AGK: variants seen among roughly 807,000 people sequenced by gnomAD.
AGK encodes acylglycerol kinase.
In AGK, 52 loss-of-function variants were observed where a neutral mutation model predicts 66.4. That is an observed-to-expected ratio of 0.78 (90% CI 0.63 to 0.99). AGK has a LOEUF of 0.99. AGK is among the 50% of genes least tolerant of loss of function. The probability of loss-of-function intolerance (pLI) is 0.00; values close to 1 mark genes in which losing one functional copy is unlikely to be tolerated. For missense variants in AGK, 451 were observed against 506.6 expected, an observed-to-expected ratio of 0.89 and a Z score of 1.05; for synonymous variants, 182 against 181.1, an observed-to-expected ratio of 1.00 and a Z score of -0.04.
intron 2 of AGK, among the ~76,000 whole-genome samples, chr7:141,563,080 G>A (rs1795386369): frequency 1.3e-5 from 2 of 152,114 alleles, no homozygotes; most frequent in South Asian, 2.1e-4. Context: ...ACGGTTTTTC[G>A]TCTGTCTTGC....
At chr7:141,632,281 C>A (rs1797075428) in intron 9 of AGK, among the ~76,000 whole-genome samples, 1 of 151,860 alleles carries the variant, frequency 6.6e-6, no homozygotes, top group Admixed American at 6.6e-5. Context: ...TCCTCCTTAC[C>A]CTCAATGTCT....
chr7:141,604,374 G>GTATATATATATATATA lies in AGK; in HGVS notation c.297+3109_297+3124dup, dbSNP rs368893843. 5.2e-3 allele frequency among the ~76,000 whole-genome samples: 586 copies of GTATATATATATATATA among 113,712 alleles called. 7 individuals carry two copies. The highest frequency in any genetic ancestry group is 9.8e-3 in the Middle Eastern group (2 of 204). 74.6% of individuals were successfully genotyped at this position (113,712 alleles called of 152,430 possible). A position where few individuals can be genotyped will look rare whatever the true frequency, so the allele number is the denominator to read the frequency against. Reference sequence around the variant, plus strand: ...CATATGTATGAATGTGTGTGTGTGTGTATATATATATATATATATATATAT... The same window carrying GTATATATATATATATA: ...CATATGTATGAATGTGTGTGTGTGTGTATATATATATATATATATATATATATATATATATATATAT... On this transcript the variant is annotated intron_variant, in intron 5 of 15. Coordinates refer to ENST00000649286, the MANE Select transcript of AGK (RefSeq NM_018238.4).
chr7:141,652,816 T>C lies in AGK; in HGVS notation c.1161T>C (p.Ser387=). 6.2e-7 allele frequency: 1 copy of C among 1,613,648 alleles called. No homozygotes were observed. Among genetic ancestry groups the C allele is most frequent in the South Asian group, 1.1e-5 (1 of 91,042 alleles). The change falls in exon 16 of 16, where the codon AGT becomes AGC. Residue 387 remains serine (S), a synonymous_variant. Coordinates refer to ENST00000649286, the MANE Select transcript of AGK (RefSeq NM_018238.4). ...CAGGGGGCTCTTTTAGCATTGACAG[T>C]GAGGAGTATGAAGCGATGCCTGTGG... is the stretch of plus-strand genomic sequence containing the variant. The part of the protein sequence containing the change: ...EGAGGSFSID[S]EEYEAMPVEV...
At chr7:141,582,950 G>A (rs1003893358) in intron 2 of AGK, among the ~76,000 whole-genome samples, 2 of 151,782 alleles carry the variant, frequency 1.3e-5, no homozygotes, top group Non-Finnish European at 2.9e-5. Context: ...CAATACTTGG[G>A]GTTGGGACTG....
At chr7:141,619,596 ATCTTTAG>A (rs1467349212) in intron 8 of AGK, among the ~76,000 whole-genome samples, 3 of 152,150 alleles carry the variant, frequency 2.0e-5, no homozygotes, top group Non-Finnish European at 4.4e-5. Flanking sequence ...CTAGAAGAAA[ATCTTTAG>A]TCATTAGAGA....
At chr7:141,558,302 C>T (rs1284679734) in intron 2 of AGK, among the ~76,000 whole-genome samples, 10 of 151,180 alleles carry the variant, frequency 6.6e-5, no homozygotes, top group Admixed American at 3.3e-4. Flanking sequence ...GGACTACAGG[C>T]GCGTGCACCA....
At chr7:141,621,845 C>T in intron 9 of AGK, 44 bp downstream of exon 9, 3 of 1,383,428 alleles carry the variant, frequency 2.2e-6, no homozygotes, top group Non-Finnish European at 3.1e-6. Flanking sequence ...GAAAGTAATA[C>T]TCGCTTACAT....
intron 2 of AGK, among the ~76,000 whole-genome samples, 183 bp from the exon 3 acceptor site, chr7:141,592,963 C>T (rs908235998): frequency 6.6e-6 from 1 of 151,930 alleles, no homozygotes; most frequent in Admixed American, 6.5e-5. Flanking sequence ...CTCAGCCTCC[C>T]AAAGTGCTGG....
intron 9 of AGK, among the ~76,000 whole-genome samples, chr7:141,623,388 AAAAAGAAAAAAAAAAG>A (rs1205008636): frequency 2.0e-5 from 3 of 150,610 alleles, no homozygotes; most frequent in African/African-American, 7.3e-5. Flanking sequence ...TCAAAAAAAA[AAAAAGAAAAAAAAAAG>A]AAAGAAAAAA....
At position 141,602,173 on chromosome 7, in the gene AGK, T is replaced by TGTGTGTGTGTGTGTGTGTGTGTGTGTG. The variant is rs1587114560; in HGVS notation, c.297+893_297+894insGTGTGTGTGTGTGTGTGTGTGTGTGTG. ...GAGCTTTCCTTGAGGGGAGATTTTC[T>TGTGTGTGTGTGTGTGTGTGTGTGTGTG]TGTGTGTGTGTGTGTGTGTGTGTGT... On this transcript the variant is annotated intron_variant, in intron 5 of 15. Coordinates refer to ENST00000649286, the MANE Select transcript of AGK (RefSeq NM_018238.4). Among the ~76,000 whole-genome samples the TGTGTGTGTGTGTGTGTGTGTGTGTGTG allele has an allele frequency of 3.7e-4, 47 of 125,376 alleles. 1 individual carries two copies. Among genetic ancestry groups the TGTGTGTGTGTGTGTGTGTGTGTGTGTG allele is most frequent in the East Asian group, 3.6e-3 (14 of 3,836 alleles). 82.3% of individuals were successfully genotyped at this position (125,376 alleles called of 152,430 possible).
chr7:141,606,734 T>C (rs537640518), intron 5 of AGK, among the ~76,000 whole-genome samples: 1 of 152,354 alleles, frequency 6.6e-6, no homozygotes. Context: ...CACAGTTCTA[T>C]GGGTTTTGAC....
chr7:141,583,542 G>A (rs926469477), intron 2 of AGK, among the ~76,000 whole-genome samples: 4 of 151,108 alleles, frequency 2.6e-5, no homozygotes, highest in Non-Finnish European at 4.4e-5. Context: ...GTAGAGACAT[G>A]GAGAGAAGGG....
chr7:141,634,056 C>A, intron 10 of AGK, 76 bp downstream of exon 10: 1 of 1,239,474 alleles, frequency 8.1e-7, no homozygotes, highest in Non-Finnish European at 1.2e-6. Context: ...GGTTTTAATT[C>A]ACAGTGATCT....
At chr7:141,575,539 G>A (rs140732670) in intron 2 of AGK, among the ~76,000 whole-genome samples, 1 of 151,850 alleles carries the variant, frequency 6.6e-6, no homozygotes, top group Non-Finnish European at 1.5e-5. Flanking sequence ...GGGGTTTCAG[G>A]GTGTGTAGAG....
At chr7:141,649,601 C>G (rs1399711558) in intron 14 of AGK, among the ~76,000 whole-genome samples, 2 of 152,208 alleles carry the variant, frequency 1.3e-5, no homozygotes, top group Non-Finnish European at 2.9e-5. Flanking sequence ...GACACAGCGT[C>G]AAGAACTTTG....
rs553909597 is a variant in AGK at position 141,641,904 on chromosome 7, C to T, written c.971C>T (p.Pro324Leu). The T allele has an allele frequency of 1.5e-5, 24 of 1,574,722 alleles. No individual in the cohort carries two copies. In the Middle Eastern group the frequency reaches 5.0e-4, roughly 33 times the overall value. ...ACAACACGGAATAATCAGCTTGACCCGACAGTAAGTGTGCTTTTTTATTAG... is the reference window on the plus strand; with the variant it reads ...ACAACACGGAATAATCAGCTTGACCTGACAGTAAGTGTGCTTTTTTATTAG... ...SITTRNNQLD[P>L]TSKEDFLNIC... Residue 324 changes from proline to leucine, a missense_variant, in exon 13 of 16, where the codon CCG becomes CTG. Coordinates refer to ENST00000649286, the MANE Select transcript of AGK (RefSeq NM_018238.4).
intron 8 of AGK, 86 bp downstream of exon 8, chr7:141,615,651 G>T (rs1796687861): frequency 9.4e-7 from 1 of 1,061,054 alleles, no homozygotes; most frequent in Non-Finnish European, 1.5e-6. Flanking sequence ...ACTTTCTTGA[G>T]TTTTGATAGC....
At position 141,654,468 on chromosome 7, in the gene AGK, CAAGA is replaced by C. The variant is rs1171193337; in HGVS notation, c.*1546_*1549del. 1 of 152,204 alleles carries C rather than the reference CAAGA, an allele frequency of 6.6e-6. No individual in the cohort carries two copies. The highest frequency in any genetic ancestry group is 2.1e-4 in the South Asian group (1 of 4,830). 9.4% of individuals were successfully genotyped at this position (152,204 alleles called of 1,614,324 possible). ...GACAAAGATCACAGTGCTCTATCAT[CAAGA>C]ATTATTAATGATGATCTATCAACTA... On this transcript the variant is annotated 3_prime_UTR_variant, in exon 16 of 16. Transcript: ENST00000649286.
intron 2 of AGK, among the ~76,000 whole-genome samples, chr7:141,571,692 C>T (rs992485090): frequency 2.0e-5 from 3 of 152,158 alleles, no homozygotes; most frequent in Non-Finnish European, 4.4e-5. Flanking sequence ...AGAAAGGGGG[C>T]TCTAGAGCCC....
Sources: allele counts gnomAD v4.1 joint callset (sites outside exome capture counted in the v4.1 genomes callset), GRCh38; gene constraint gnomAD v4.1.1; transcripts MANE v1.5; gene names NCBI Gene and HGNC (gene_info 2026-07-23, HGNC 2026-07-21).